The following HOOK1 variants were observed in gnomAD, a reference collection of about 807,000 sequenced individuals.
The protein encoded by HOOK1 is hook microtubule tethering protein 1.
A neutral mutation model predicts 112.8 loss-of-function variants in HOOK1; 60 were observed. The observed-to-expected ratio is 0.53, with a 90% CI of 0.43 to 0.66. HOOK1 has a LOEUF of 0.66. Among genes scored for constraint, HOOK1 ranks in the 30% least tolerant of loss-of-function variants. HOOK1 has a pLI of 0.00. For missense variants in HOOK1, 770 were observed against 856.0 expected (o/e 0.90, Z 1.25); for synonymous variants, 294 against 283.8 (o/e 1.04, Z -0.36).
At chr1:59,840,099 T>C (rs2098400216) in intron 7 of HOOK1, among the ~76,000 whole-genome samples, 1 of 152,186 alleles carries the variant, frequency 6.6e-6, no homozygotes, top group Non-Finnish European at 1.5e-5. Flanking sequence ...GCCAGTATTT[T>C]ATTGAGGATT....
At chr1:59,862,976 A>T in intron 16 of HOOK1, 99 bp downstream of exon 16, 1 of 676,924 alleles carries the variant, frequency 1.5e-6, no homozygotes, top group South Asian at 1.9e-5. Context: ...TACAGCCCTT[A>T]TCATTGAGAA....
At position 59,848,436 on chromosome 1, in the gene HOOK1, A is replaced by G. The variant is rs780038764; in HGVS notation, c.1051A>G (p.Met351Val). The G allele has an allele frequency of 3.7e-6, 6 of 1,610,616 alleles. No homozygotes were observed. Among genetic ancestry groups the G allele is most frequent in the Non-Finnish European group, 5.1e-6 (6 of 1,177,398 alleles). Residue 351 changes from methionine to valine, a missense_variant, in exon 11 of 22, where the codon ATG (methionine) becomes GTG (valine). By Grantham distance (21) the Met-to-Val change is conservative. Transcript: ENST00000371208. Reference protein sequence around the residue: ...KTLQETNMMYMHNTVSLEEEL... With the variant: ...KTLQETNMMYVHNTVSLEEEL... Reference sequence around the variant, plus strand: ...TTTACAGGAAACCAACATGATGTATATGCATAATACAGTCAGCTTAGAAGA... The same window carrying G: ...TTTACAGGAAACCAACATGATGTATGTGCATAATACAGTCAGCTTAGAAGA...
At chr1:59,855,260 T>C (rs181484184) in intron 12 of HOOK1, among the ~76,000 whole-genome samples, 67 of 152,278 alleles carry the variant, frequency 4.4e-4, no homozygotes, top group African/African-American at 1.6e-3. Context: ...TACCCAGTAG[T>C]TATCTTTTCT....
rs531105698 is a variant in HOOK1, at chr1:59,827,573, G to A, written c.150-1207G>A. ...TTACACATTTAGATAAATTGTTTCG[G>A]TAATTGCAGACTTGGCATCTGGGAA... On this transcript the variant is annotated intron_variant, in intron 2 of 21. Transcript: ENST00000371208. Among the ~76,000 whole-genome samples, 52 of 152,272 alleles carry A rather than the reference G, an allele frequency of 3.4e-4. No homozygotes were observed. The South Asian group carries it at 0.011, about 32-fold the overall frequency.
intron 1 of HOOK1, among the ~76,000 whole-genome samples, chr1:59,816,294 G>C (rs1038113566): frequency 3.4e-4 from 52 of 152,198 alleles, no homozygotes; most frequent in Non-Finnish European, 1.0e-4. Context: ...AATAACTTTT[G>C]CTTTTAGTGG....
chr1:59,846,156 CTCT>C (rs1490075518), intron 9 of HOOK1, among the ~76,000 whole-genome samples: 28 of 151,594 alleles, frequency 1.8e-4, no homozygotes. Flanking sequence ...TCATAATATT[CTCT>C]TCTTATCCTT....
chr1:59,845,131 G>A (rs1023172614), intron 9 of HOOK1, among the ~76,000 whole-genome samples: 2 of 151,898 alleles, frequency 1.3e-5, no homozygotes, highest in African/African-American at 4.8e-5. Context: ...TTCAGTGTCT[G>A]TTTGAGGGAT....
At position 59,838,663 on chromosome 1, in the gene HOOK1, A is replaced by C. The variant is rs143034721; in HGVS notation, c.538-1645A>C. On this transcript the variant is annotated intron_variant, in intron 7 of 21. Transcript: ENST00000371208. ...TTCTGTAGGTTGCCTGTTCACTCTG[A>C]TGATAGTTTCTTTTGCTGTGCAGAA... Among the ~76,000 whole-genome samples, 690 of 152,168 alleles carry C rather than the reference A, an allele frequency of 4.5e-3. 9 individuals carry two copies. The highest frequency in any genetic ancestry group is 0.014 in the African/African-American group (564 of 41,510).
intron 1 of HOOK1, among the ~76,000 whole-genome samples, chr1:59,821,073 G>A (rs1055751601): frequency 1.8e-4 from 28 of 152,310 alleles, no homozygotes; most frequent in African/African-American, 6.3e-4. Flanking sequence ...AGTGAAATGG[G>A]TGAGTATGTG....
intron 19 of HOOK1, 29 bp downstream of exon 19, chr1:59,866,001 A>C (rs193110005): frequency 3.2e-6 from 4 of 1,251,030 alleles, no homozygotes; most frequent in Non-Finnish European, 4.6e-6. Flanking sequence ...GGAGCTCAAG[A>C]CTTTGTGGCC....
chr1:59,866,260 C>G (rs915434737), intron 19 of HOOK1, among the ~76,000 whole-genome samples: 1 of 152,092 alleles, frequency 6.6e-6, no homozygotes, highest in African/African-American at 2.4e-5. Context: ...TAGTTCTTGG[C>G]AAAATAAGCC....
intron 12 of HOOK1, among the ~76,000 whole-genome samples, chr1:59,851,500 G>A (rs2098407135): frequency 6.6e-6 from 1 of 151,452 alleles, no homozygotes; most frequent in African/African-American, 2.4e-5. Flanking sequence ...ATGGAGTTTT[G>A]TGCATTGATC....
At position 59,822,162 on chromosome 1, in the gene HOOK1, G is replaced by A. The variant is rs1305109230; in HGVS notation, c.149+219G>A. ...AGAGATACATCTTAACTGGATATGT[G>A]ATCAGGATTCTTATTTATTCAAGTT... On this transcript the variant is annotated intron_variant, in intron 2 of 21. Transcript: ENST00000371208. Among the ~76,000 whole-genome samples, 5 of 152,248 alleles carry A rather than the reference G, an allele frequency of 3.3e-5. No individual in the cohort carries two copies. In the East Asian group the frequency reaches 9.6e-4, roughly 29 times the overall value.
rs144971582 is a variant in HOOK1, at chr1:59,848,936, A to G, written c.1132-137A>G. Reference sequence around the variant, plus strand: ...TATCTATATGTTATTTTCCACAAGTATTTAAAATTAGACTGCAATTTTAGT... The same window carrying G: ...TATCTATATGTTATTTTCCACAAGTGTTTAAAATTAGACTGCAATTTTAGT... On this transcript the variant is annotated intron_variant, in intron 11 of 21. Transcript: ENST00000371208. 99 of 478,748 alleles carry G rather than the reference A, an allele frequency of 2.1e-4. No individual in the cohort carries two copies. The East Asian group carries it at 3.2e-3, about 15-fold the overall frequency. 29.7% of individuals were successfully genotyped at this position (478,748 alleles called of 1,614,324 possible).
chr1:59,854,217 A>G (rs2098409326), intron 12 of HOOK1, among the ~76,000 whole-genome samples: 1 of 150,178 alleles, frequency 6.7e-6, no homozygotes, highest in Non-Finnish European at 1.5e-5. Flanking sequence ...ATGCCTGACT[A>G]ATTTTTGTAC....
intron 7 of HOOK1, among the ~76,000 whole-genome samples, chr1:59,838,324 G>T (rs557800522): frequency 6.6e-6 from 1 of 152,124 alleles, no homozygotes; most frequent in Non-Finnish European, 1.5e-5. Flanking sequence ...GTGTAAAAGC[G>T]TTCCTATTTT....
chr1:59,823,213 G>C (rs956829416), intron 2 of HOOK1, among the ~76,000 whole-genome samples: 7 of 152,128 alleles, frequency 4.6e-5, no homozygotes, highest in African/African-American at 1.7e-4. Flanking sequence ...CCAGCTACTC[G>C]GGAGGCTGAG....
rs1013376635 is a variant in HOOK1 at position 59,871,767 on chromosome 1, C to G, written c.2016+657C>G. ...CTTTTATCTCTTATTTATACAAAGG[C>G]ATATCACTTTATAAACTTCCCATGT... On this transcript the variant is annotated intron_variant, in intron 21 of 21. Coordinates refer to ENST00000371208, the MANE Select transcript of HOOK1 (RefSeq NM_015888.6). Among the ~76,000 whole-genome samples, 4 of 152,192 alleles carry G rather than the reference C, an allele frequency of 2.6e-5. 1 individual carries two copies. The South Asian group carries it at 6.2e-4, about 24-fold the overall frequency.
At chr1:59,849,588 T>C (rs1281358285) in intron 12 of HOOK1, among the ~76,000 whole-genome samples, 1 of 151,660 alleles carries the variant, frequency 6.6e-6, no homozygotes, top group South Asian at 2.1e-4. Context: ...AATCATACTT[T>C]AGAACACTGC....
Sources: gnomAD v4.1 joint callset for allele counts (sites outside exome capture counted in the v4.1 genomes callset) on GRCh38, gnomAD v4.1.1 for gene constraint, MANE v1.5 for transcripts, NCBI Gene and HGNC (gene_info 2026-07-23, HGNC 2026-07-21) for gene names.